KCTD1: variants seen among roughly 807,000 people sequenced by gnomAD.
KCTD1 encodes the protein BTB/POZ domain-containing protein KCTD1.
Under a neutral mutation model 66.0 loss-of-function variants are expected in KCTD1, and 24 were observed. That is an observed-to-expected ratio of 0.36 (90% CI 0.26 to 0.51). The LOEUF (loss-of-function observed/expected upper bound fraction) is 0.51, where lower values mean the gene tolerates loss of function less well. Ranked by LOEUF, KCTD1 falls within the 20% of genes least tolerant of loss-of-function variation. KCTD1 has a pLI of 0.95. For synonymous variants in KCTD1, 511 were observed against 517.2 expected (o/e 0.99, Z 0.16); for missense variants, 943 against 1,205.2 (o/e 0.78, Z 3.22).
chr18:26,553,744 C>T (rs536242919), intron 1 of KCTD1, among the ~76,000 whole-genome samples: 28 of 151,386 alleles, frequency 1.8e-4, no homozygotes, highest in African/African-American at 5.1e-4. Context: ...CATTCATACA[C>T]ATTTGACCAT....
chr18:26,548,752 G>T (rs1985409187), upstream of KCTD1: 1 of 1,111,334 alleles, frequency 9.0e-7, no homozygotes, highest in Non-Finnish European at 1.1e-6. Flanking sequence ...AGTTAGACCG[G>T]AGAGATAGGG....
At chr18:26,568,848 G>T (rs930050091) in intron 1 of KCTD1, among the ~76,000 whole-genome samples, 5 of 152,084 alleles carry the variant, frequency 3.3e-5, no homozygotes, top group Non-Finnish European at 7.4e-5. Context: ...ATTGACCCTT[G>T]TTGATACTGT....
In KCTD1 at chr18:26,501,099, G is replaced by T. The variant is rs1165179785; in HGVS notation, c.1961C>A (p.Ala654Asp). ...GGATTCAGGGTATTTGGTGAGGGTG[G>T]CCAGGCTGCTGGTGTACATGTGGCC... is the stretch of plus-strand genomic sequence containing the variant. The part of the protein sequence containing the change: ...VGGHMYTSSL[A>D]TLTKYPESRI... The change falls in exon 2 of 5, where the codon GCC (alanine) becomes GAC (aspartate). Residue 654 changes from alanine (A) to aspartate (D), a missense_variant. This residue lies in a region of KCTD1 where 41 missense variants were observed against 103.8 expected (regional missense o/e 0.39). Coordinates refer to ENST00000580059, the MANE Select transcript of KCTD1 (RefSeq NM_001142730.3). The T allele has an allele frequency of 1.2e-6, 2 of 1,613,860 alleles. No homozygotes were observed. Among genetic ancestry groups the T allele is most frequent in the Non-Finnish European group, 1.7e-6 (2 of 1,179,818 alleles).
Position 26,485,360 on chromosome 18 carries a change from T to C in KCTD1, c.1989-8701A>G, listed in dbSNP as rs539346854. Among the ~76,000 whole-genome samples, 9 of 152,336 alleles carry C rather than the reference T, an allele frequency of 5.9e-5. No individual in the cohort carries two copies. In the South Asian group the frequency reaches 1.7e-3, roughly 28 times the overall value. ...GCCCAGCTGGGACCCACATCCTCAC[T>C]GTGGCCATTCTGCTGCTCAGTAAAG... On this transcript the variant is annotated intron_variant, in intron 2 of 4. Coordinates refer to ENST00000580059, the MANE Select transcript of KCTD1 (RefSeq NM_001142730.3).
chr18:26,629,255 CG>C, upstream of KCTD1: 1 of 979,392 alleles, frequency 1.0e-6, no homozygotes, highest in Non-Finnish European at 1.2e-6. Context: ...AGGAGAAAAG[CG>C]TAAAATTGGG....
At chr18:26,492,605 CAATA>C (rs56266790) in intron 2 of KCTD1, among the ~76,000 whole-genome samples, 39,373 of 138,220 alleles carry the variant, frequency 0.28, 6,239 homozygotes, top group Non-Finnish European at 0.36. Flanking sequence ...GACACTGTCT[CAATA>C]AATAAATAAA....
At chr18:26,504,632 C>T (rs1232115449) in intron 1 of KCTD1, among the ~76,000 whole-genome samples, 1 of 152,082 alleles carries the variant, frequency 6.6e-6, no homozygotes, top group African/African-American at 2.4e-5. Context: ...TTCAGCCTCC[C>T]AAGTCACTGG....
intron 1 of KCTD1, among the ~76,000 whole-genome samples, chr18:26,535,114 T>TGGG (rs1984633313): frequency 7.3e-4 from 81 of 110,758 alleles, no homozygotes; most frequent in East Asian, 8.6e-4. Flanking sequence ...GGTTGGGGGG[T>TGGG]GGGGGTGGAG....
Position 26,459,764 on chromosome 18 carries a change from T to G in KCTD1, c.2295A>C (p.Leu765=). ...CTTCTATCAAGGATTTGTCACCGCT[T>G]AGCGTGATCCTTTCTCCGAGGTCTG... is the stretch of plus-strand genomic sequence containing the variant. ...VAPDLGERIT[L]SGDKSLIEEV... is the part of the protein sequence containing the mutation. Residue 765 remains leucine (L), a synonymous_variant, in exon 4 of 5, where the codon CTA becomes CTC. Coordinates refer to ENST00000580059, the MANE Select transcript of KCTD1 (RefSeq NM_001142730.3). 1 of 1,614,192 alleles carries G rather than the reference T, an allele frequency of 6.2e-7. No homozygotes were observed. The highest frequency in any genetic ancestry group is 8.5e-7 in the Non-Finnish European group (1 of 1,180,022).
chr18:26,638,101 C>T (rs1987761690), intron 1 of KCTD1, among the ~76,000 whole-genome samples: 1 of 152,188 alleles, frequency 6.6e-6, no homozygotes, highest in African/African-American at 2.4e-5. Context: ...AGGTCTTTTG[C>T]ACTCACTGTA....
intron 2 of KCTD1, among the ~76,000 whole-genome samples, chr18:26,493,412 A>G (rs202167990): frequency 4.4e-5 from 5 of 114,388 alleles, no homozygotes; most frequent in East Asian, 2.2e-4. Context: ...TTTTGGGGGG[A>G]AAAACATGTA....
chr18:26,495,653 T>G (rs1982434529), intron 2 of KCTD1, among the ~76,000 whole-genome samples: 1 of 152,050 alleles, frequency 6.6e-6, no homozygotes, highest in Non-Finnish European at 1.5e-5. Context: ...AGTTAACTCA[T>G]GTACTGGGTT....
intron 1 of KCTD1, among the ~76,000 whole-genome samples, chr18:26,595,069 T>TTCTGTA (rs1986735949): frequency 1.3e-5 from 2 of 152,282 alleles, no homozygotes; most frequent in African/African-American, 4.8e-5. Context: ...ATCTAATTGA[T>TTCTGTA]TCTGTATCTC....
intron 1 of KCTD1, among the ~76,000 whole-genome samples, chr18:26,613,494 G>A (rs994052800): frequency 2.6e-5 from 4 of 152,106 alleles, no homozygotes; most frequent in Admixed American, 6.5e-5. Flanking sequence ...TTGGTACCCA[G>A]GCTTTCCTTG....
intron 1 of KCTD1, among the ~76,000 whole-genome samples, chr18:26,501,530 G>T (rs1179410147): frequency 6.6e-6 from 1 of 152,172 alleles, no homozygotes. Flanking sequence ...AGAAATTCTT[G>T]CATTTAACAA....
rs1303174985 is a variant in KCTD1, at chr18:26,548,418, C to T, written c.119G>A (p.Gly40Asp). 1.1e-5 allele frequency: 15 copies of T among 1,423,642 alleles called. No individual in the cohort carries two copies. In the East Asian group the frequency reaches 2.6e-4, roughly 25 times the overall value. 88.2% of individuals were successfully genotyped at this position (1,423,642 alleles called of 1,614,324 possible). Residue 40 changes from glycine to aspartate, a missense_variant, in exon 1 of 5, where the codon GGC becomes GAC. This residue lies in a region of KCTD1 where 236 missense variants were observed against 206.6 expected (regional missense o/e 1.14). Transcript: ENST00000580059. ...CGGACGGCTGTGGCGGCGGCCGCGG[C>T]CCCCCGCGCCGCGCTCGCCCTCGCC... Reference protein sequence around the residue: ...ERGEGERGAGGRGRRHSRPHY... With the variant: ...ERGEGERGAGDRGRRHSRPHY...
Position 26,601,283 on chromosome 18 carries a change from C to A in KCTD1, c.-16+27864G>T, listed in dbSNP as rs1986889109. ...GGAGAGATTGTGTGGATTTAAGAGA[C>A]CTGGATTTTTATATTTTGCCAGTAA... On this transcript the variant is annotated intron_variant, in intron 1 of 4. Coordinates refer to the KCTD1 transcript ENST00000317932. Among the ~76,000 whole-genome samples, 5 of 126,008 alleles carry A rather than the reference C, an allele frequency of 4.0e-5. No individual in the cohort carries two copies. In the Admixed American group the frequency reaches 5.0e-4, roughly 12 times the overall value. 82.7% of individuals were successfully genotyped at this position (126,008 alleles called of 152,430 possible). A position where few individuals can be genotyped will look rare whatever the true frequency, so the allele number is the denominator to read the frequency against.
At position 26,501,260 on chromosome 18, in the gene KCTD1, G is replaced by A; in HGVS notation, c.1810-10C>T. 6.2e-7 allele frequency: 1 copy of A among 1,608,950 alleles called. No individual in the cohort carries two copies. Among genetic ancestry groups the A allele is most frequent in the South Asian group, 1.1e-5 (1 of 90,336 alleles). On this transcript the variant is annotated splice_polypyrimidine_tract_variant and intron_variant, in intron 1 of 4. Transcript: ENST00000580059. ...TATTGGGCCGACTGTCCTACAGAGA[G>A]ATAAGCAAGTTTAGATACTTTTTCT...
intron 3 of KCTD1, among the ~76,000 whole-genome samples, chr18:26,462,374 C>A (rs1250358410): frequency 6.6e-6 from 1 of 152,204 alleles, no homozygotes; most frequent in Non-Finnish European, 1.5e-5. Context: ...TTTAAGCCAC[C>A]AGGTGTTCTT....
Sources: allele counts gnomAD v4.1 joint callset (sites outside exome capture counted in the v4.1 genomes callset), GRCh38; gene constraint gnomAD v4.1.1; regional missense constraint gnomAD v4.1.1; transcripts MANE v1.5; gene names NCBI Gene and HGNC (gene_info 2026-07-23, HGNC 2026-07-21).